C3: variants seen among roughly 807,000 people sequenced by gnomAD.
C3 encodes the protein C3 and PZP-like alpha-2-macroglobulin domain-containing protein 1.
C3 carries 97 observed loss-of-function variants against 207.9 expected under a neutral mutation model. The observed-to-expected ratio is 0.47, with a 90% CI of 0.40 to 0.55. The LOEUF is 0.55. Among genes scored for constraint, C3 ranks in the 20% least tolerant of loss-of-function variants. The probability of loss-of-function intolerance (pLI) is 0.00; values close to 1 mark genes in which losing one functional copy is unlikely to be tolerated. For missense variants in C3, 1,684 were observed against 2,171.7 expected, an observed-to-expected ratio of 0.78 and a Z score of 4.46; for synonymous variants, 848 against 857.6, an observed-to-expected ratio of 0.99 and a Z score of 0.20.
chr19:6,690,599 G>A, intron 27 of C3, 30 bp downstream of exon 27: 1 of 1,567,548 alleles, frequency 6.4e-7, no homozygotes, highest in Non-Finnish European at 8.8e-7. Context: ...GGGTAAGGTA[G>A]GGTAGGGTGG....
chr19:6,683,246 T>A (rs1435728979), intron 33 of C3: 9 of 152,066 alleles, frequency 5.9e-5, no homozygotes, highest in Admixed American at 3.9e-4. Context: ...AGATGTTTAC[T>A]CCATGTTGTA....
chr19:6,716,771 C>T (rs1340020825), intron 4 of C3: 1 of 152,164 alleles, frequency 6.6e-6, no homozygotes. Context: ...ATGAATAAAT[C>T]TCATTTGCAG....
chr19:6,716,036 G>A (rs1272853008), intron 4 of C3, among the ~76,000 whole-genome samples: 2 of 152,146 alleles, frequency 1.3e-5, no homozygotes, highest in African/African-American at 4.8e-5. Flanking sequence ...GCCTTTACAA[G>A]AGATGTGTGG....
chr19:6,687,707 CAT>C (rs113157020), intron 27 of C3, among the ~76,000 whole-genome samples: 10,848 of 152,164 alleles, frequency 0.071, 1,183 homozygotes, highest in African/African-American at 0.24. Flanking sequence ...ATCCAACAGA[CAT>C]AAGTAACCCC....
At chr19:6,678,526 G>T (rs924244787) in intron 38 of C3, 71 bp from the exon 39 acceptor site, 2 of 1,264,204 alleles carry the variant, frequency 1.6e-6, no homozygotes, top group African/African-American at 1.5e-5. Flanking sequence ...GTTTGCAAGT[G>T]CACCCGGGCA....
intron 14 of C3, 151 bp from the exon 15 acceptor site, chr19:6,708,080 C>G: frequency 1.2e-6 from 1 of 803,720 alleles, no homozygotes; most frequent in Non-Finnish European, 2.0e-6. Flanking sequence ...CTTTCTCTTT[C>G]TCTTTCCTTC....
At chr19:6,707,954 G>A (rs1481792023) in intron 14 of C3, 25 bp from the exon 15 acceptor site, 1 of 1,612,468 alleles carries the variant, frequency 6.2e-7, no homozygotes. Flanking sequence ...GGGGTGGCGG[G>A]ACGCAGGGAG....
Position 6,719,488 on chromosome 19 carries a change from GT to G in C3, c.75-86del. ...CACTGGAGTCAGCGCCTGGCAGGCTGTGTGCCCCAGCCTCTGGTCCTGGAGA... is the reference window on the plus strand; with the variant it reads ...CACTGGAGTCAGCGCCTGGCAGGCTGGTGCCCCAGCCTCTGGTCCTGGAGA... On this transcript the variant is annotated intron_variant, in intron 1 of 40. Coordinates refer to ENST00000245907, the MANE Select transcript of C3 (RefSeq NM_000064.4). This position sits in a 1 kb window ranked among gnomAD's most constrained non-coding sequence, Gnocchi z 5.4. The G allele has an allele frequency of 8.0e-7, 1 of 1,243,374 alleles. No individual in the cohort carries two copies. The highest frequency in any genetic ancestry group is 1.2e-6 in the Non-Finnish European group (1 of 861,010). 77.0% of individuals were successfully genotyped at this position (1,243,374 alleles called of 1,614,324 possible).
intron 35 of C3, among the ~76,000 whole-genome samples, chr19:6,680,542 A>G (rs1247667365): frequency 6.6e-6 from 1 of 152,212 alleles, no homozygotes; most frequent in Non-Finnish European, 1.5e-5. Context: ...TCTAGAATGA[A>G]TGAATCCTGC....
In C3 at chr19:6,677,806, C is replaced by T; in HGVS notation, c.*76G>A. On this transcript the variant is annotated 3_prime_UTR_variant, in exon 41 of 41. Transcript: ENST00000245907. The stretch of plus-strand genomic sequence containing the variant: ...GTGAGGCGGCTGGGGATTTCAGCCT[C>T]TCCCTCTTGGCAAAGAACTCCAGAC... The T allele has an allele frequency of 6.3e-7, 1 of 1,582,180 alleles. No individual in the cohort carries two copies. Among genetic ancestry groups the T allele is most frequent in the Non-Finnish European group, 8.6e-7 (1 of 1,156,682 alleles).
At chr19:6,696,898 C>T (rs546491318) in intron 21 of C3, among the ~76,000 whole-genome samples, 3 of 151,246 alleles carry the variant, frequency 2.0e-5, no homozygotes, top group South Asian at 2.1e-4. Context: ...AAAAATTAGC[C>T]GGGCGTGGTG....
At chr19:6,686,093 G>A (rs1438363687) in intron 29 of C3, 31 bp downstream of exon 29, 1 of 1,610,648 alleles carries the variant, frequency 6.2e-7, no homozygotes, top group East Asian at 2.2e-5. Flanking sequence ...AGACAGGGAT[G>A]CATGTGCCTA....
In C3 at chr19:6,710,657, C is replaced by T. The variant is rs564091491; in HGVS notation, c.1668G>A (p.Lys556=). 1 of 1,613,062 alleles carries T rather than the reference C, an allele frequency of 6.2e-7. No homozygotes were observed. The highest frequency in any genetic ancestry group is 2.2e-5 in the East Asian group (1 of 44,870). The change falls in exon 13 of 41, where the codon AAG becomes AAA. Residue 556 remains lysine, a synonymous_variant. Transcript: ENST00000245907. Reference sequence around the variant, plus strand: ...CACTTACCGAGCCCACGCAGGAGTCCTTGACGTCCACCCACACGGAGTCGG... The same window carrying T: ...CACTTACCGAGCCCACGCAGGAGTCTTTGACGTCCACCCACACGGAGTCGG... ...VVADSVWVDV[K]DSCVGSLVVK...
chr19:6,688,562 C>T (rs992914548), intron 27 of C3, among the ~76,000 whole-genome samples: 1 of 151,598 alleles, frequency 6.6e-6, no homozygotes. Flanking sequence ...CTGTGTTGCC[C>T]AGGCTGGAGT....
intron 4 of C3, among the ~76,000 whole-genome samples, chr19:6,715,619 GTT>G (rs375022094): frequency 0.066 from 4,681 of 71,306 alleles, 119 homozygotes; most frequent in Middle Eastern, 0.12. Context: ...TTTTTTTTTT[GTT>G]TTTTTTGTTT....
rs1183067905 is a variant in C3, at chr19:6,700,575, T to TGA, written c.2440+1551_2440+1552insTC. Among the ~76,000 whole-genome samples, 2 of 50,304 alleles carry TGA rather than the reference T, an allele frequency of 4.0e-5. 1 individual carries two copies. Among genetic ancestry groups the TGA allele is most frequent in the African/African-American group, 2.3e-4 (2 of 8,512 alleles). The allele number at this position is 50,304 out of a possible 152,430, so 33.0% of individuals were successfully genotyped here. A position where few individuals can be genotyped will look rare whatever the true frequency, so the allele number is the denominator to read the frequency against. ...TATAATATATGTAATATATGATATA[T>TGA]TATATATGTAATATATAATATATGA... On this transcript the variant is annotated intron_variant, in intron 19 of 40. Coordinates refer to ENST00000245907, the MANE Select transcript of C3 (RefSeq NM_000064.4).
rs2287845 is a variant in C3 at position 6,696,586 on chromosome 19, G to A, written c.2863+7C>T. The A allele has an allele frequency of 0.64, 1,029,970 of 1,612,156 alleles. 332,996 individuals are homozygous for A. The highest frequency in any genetic ancestry group is 0.86 in the East Asian group (38,680 of 44,860). ...CCCCTCAGCCCCTCCCCCTGCAGCC[G>A]ACTCACCACGGCCCAGGCGTTCTGG... is the stretch of plus-strand genomic sequence containing the variant. On this transcript the variant is annotated splice_region_variant and intron_variant, in intron 22 of 40. Coordinates refer to ENST00000245907, the MANE Select transcript of C3 (RefSeq NM_000064.4).
chr19:6,717,906 T>G, intron 4 of C3, 188 bp downstream of exon 4: 1 of 682,142 alleles, frequency 1.5e-6, no homozygotes, highest in Non-Finnish European at 2.7e-6. Context: ...GTGTGTATTG[T>G]GTGCTGTGTG....
At chr19:6,693,166 G>T in intron 25 of C3, 83 bp from the exon 26 acceptor site, 1 of 1,516,152 alleles carries the variant, frequency 6.6e-7, no homozygotes, top group Non-Finnish European at 9.1e-7. Context: ...GTGGGGGAGG[G>T]ACCAGGGCCT....
Sources: gnomAD v4.1 joint callset for allele counts (sites outside exome capture counted in the v4.1 genomes callset) on GRCh38, gnomAD v4.1.1 for gene constraint, Gnocchi (gnomAD v3.1) non-coding constraint, MANE v1.5 for transcripts, NCBI Gene and HGNC (gene_info 2026-07-23, HGNC 2026-07-21) for gene names.